The following LRMDA variants were observed in gnomAD, a reference collection of about 807,000 sequenced individuals.
LRMDA encodes leucine rich melanocyte differentiation associated, also known as leucine-rich melanocyte differentiation-associated protein.
LRMDA carries 18 observed loss-of-function variants against 29.8 expected under a neutral mutation model. The ratio of observed to expected loss-of-function variants is 0.60; its 90% CI spans 0.42 to 0.90. The LOEUF (loss-of-function observed/expected upper bound fraction) is 0.90, where lower values mean the gene tolerates loss of function less well. Among genes scored for constraint, LRMDA ranks in the 40% least tolerant of loss-of-function variants. The probability of loss-of-function intolerance (pLI) is 0.00; values close to 1 mark genes in which losing one functional copy is unlikely to be tolerated. For missense variants in LRMDA, 273 were observed against 273.9 expected (o/e 1.00, Z 0.02); for synonymous variants, 125 against 109.4 (o/e 1.14, Z -0.89).
At chr10:76,420,191 A>C (rs1842058238) in intron 6 of LRMDA, among the ~76,000 whole-genome samples, 1 of 151,598 alleles carries the variant, frequency 6.6e-6, no homozygotes, top group Non-Finnish European at 1.5e-5. Flanking sequence ...CTAGGCCTGG[A>C]GTTTTCTTTG....
intron 2 of LRMDA, among the ~76,000 whole-genome samples, chr10:75,453,599 G>A (rs1208856736): frequency 6.6e-6 from 1 of 152,060 alleles, no homozygotes; most frequent in Non-Finnish European, 1.5e-5. Flanking sequence ...TGAGTTTTGA[G>A]GTGCTTTGTT....
At chr10:76,508,318 C>A (rs922240522) in intron 6 of LRMDA, among the ~76,000 whole-genome samples, 4 of 152,114 alleles carry the variant, frequency 2.6e-5, no homozygotes, top group Non-Finnish European at 4.4e-5. Context: ...AAGTTTAGCA[C>A]CTGTTGGTAC....
At chr10:76,412,760 A>G (rs1473195755) in intron 6 of LRMDA, among the ~76,000 whole-genome samples, 1 of 152,130 alleles carries the variant, frequency 6.6e-6, no homozygotes, top group Non-Finnish European at 1.5e-5. Flanking sequence ...ACATCCTCCC[A>G]TCATCTCAGC....
chr10:75,662,633 G>T (rs961697073), intron 2 of LRMDA, among the ~76,000 whole-genome samples: 1 of 152,150 alleles, frequency 6.6e-6, no homozygotes, highest in Non-Finnish European at 1.5e-5. Flanking sequence ...TTAAAAAAGC[G>T]CAATTACCCT....
chr10:75,627,742 G>C (rs77827499), intron 2 of LRMDA, among the ~76,000 whole-genome samples: 2,993 of 152,278 alleles, frequency 0.02, 88 homozygotes, highest in African/African-American at 0.068. Flanking sequence ...GAAGCCCCAG[G>C]CACCTGCTAT....
Position 75,462,481 on chromosome 10 carries a change from G to A in LRMDA, c.131+23987G>A, listed in dbSNP as rs548017927. Among the ~76,000 whole-genome samples, 13 of 152,254 alleles carry A rather than the reference G, an allele frequency of 8.5e-5. No individual in the cohort carries two copies. In the South Asian group the frequency reaches 1.5e-3, roughly 17 times the overall value. On this transcript the variant is annotated intron_variant, in intron 2 of 6. Coordinates refer to ENST00000611255, the MANE Select transcript of LRMDA (RefSeq NM_001305581.2). ...TTCTTGGCTGTCATTGTCTTAGTGC[G>A]TGCTCATTCTGTGAGATACTGTATA...
At chr10:75,468,331 A>G (rs1331003348) in intron 2 of LRMDA, among the ~76,000 whole-genome samples, 1 of 152,094 alleles carries the variant, frequency 6.6e-6, no homozygotes, top group Non-Finnish European at 1.5e-5. Flanking sequence ...AAAGGATGTA[A>G]AAAGAAGGAC....
chr10:76,348,547 A>T (rs1841136939), intron 6 of LRMDA, among the ~76,000 whole-genome samples: 1 of 152,200 alleles, frequency 6.6e-6, no homozygotes, highest in Admixed American at 6.5e-5. Flanking sequence ...ATTGCATTAA[A>T]TGATATTGAC....
chr10:76,117,370 CTCT>C (rs1849684295), intron 5 of LRMDA, among the ~76,000 whole-genome samples: 1 of 152,150 alleles, frequency 6.6e-6, no homozygotes, highest in South Asian at 2.1e-4. Context: ...CTTTAAATAG[CTCT>C]TCTTGTTGTG....
intron 5 of LRMDA, among the ~76,000 whole-genome samples, chr10:76,126,124 C>A (rs1464058796): frequency 6.6e-6 from 1 of 152,162 alleles, no homozygotes; most frequent in African/African-American, 2.4e-5. Flanking sequence ...CTAACACATT[C>A]CCGGACTGCC....
At chr10:75,463,592 A>AGT (rs1452269348) in intron 2 of LRMDA, among the ~76,000 whole-genome samples, 1 of 151,404 alleles carries the variant, frequency 6.6e-6, no homozygotes, top group Non-Finnish European at 1.5e-5. Context: ...GGTTCAAGGG[A>AGT]GTCTCCTGCT....
At chr10:75,928,606 G>A (rs773291523) in intron 2 of LRMDA, among the ~76,000 whole-genome samples, 1 of 152,192 alleles carries the variant, frequency 6.6e-6, no homozygotes, top group Non-Finnish European at 1.5e-5. Context: ...GGTAGTTACT[G>A]TTTAGTAAAA....
chr10:76,046,690 G>C (rs1848444076), intron 3 of LRMDA, among the ~76,000 whole-genome samples: 1 of 152,038 alleles, frequency 6.6e-6, no homozygotes, highest in Non-Finnish European at 1.5e-5. Context: ...CACCATGTTG[G>C]CCAGGCTGGT....
intron 5 of LRMDA, among the ~76,000 whole-genome samples, chr10:76,182,634 G>T (rs2132210299): frequency 6.6e-6 from 1 of 152,250 alleles, no homozygotes; most frequent in South Asian, 2.1e-4. Context: ...ATAGTGTTAA[G>T]TTAGCACACT....
intron 2 of LRMDA, among the ~76,000 whole-genome samples, chr10:75,882,072 G>C (rs1402895800): frequency 3.3e-5 from 5 of 152,176 alleles, no homozygotes; most frequent in Admixed American, 1.3e-4. Flanking sequence ...GAGCATCACA[G>C]GCAGAGGGCA....
chr10:75,800,598 T>G (rs1843731402), intron 2 of LRMDA, among the ~76,000 whole-genome samples: 1 of 152,192 alleles, frequency 6.6e-6, no homozygotes, highest in Non-Finnish European at 1.5e-5. Context: ...CAGAATTTTG[T>G]TTGATGCTTT....
At chr10:75,839,786 G>A (rs1844504649) in intron 2 of LRMDA, among the ~76,000 whole-genome samples, 1 of 138,326 alleles carries the variant, frequency 7.2e-6, no homozygotes, top group African/African-American at 2.8e-5. Flanking sequence ...TGGGCTCACT[G>A]CAAGCTCTTC....
At chr10:75,589,564 G>A (rs1840695699) in intron 2 of LRMDA, among the ~76,000 whole-genome samples, 1 of 151,948 alleles carries the variant, frequency 6.6e-6, no homozygotes, top group Non-Finnish European at 1.5e-5. Flanking sequence ...ACTATCCTGG[G>A]CAACATGGTG....
At chr10:75,690,041 T>C (rs943559297) in intron 2 of LRMDA, among the ~76,000 whole-genome samples, 8 of 152,210 alleles carry the variant, frequency 5.3e-5, no homozygotes, top group African/African-American at 1.7e-4. Context: ...ACTGGATCAG[T>C]GGTGTCCTGT....
Sources: gnomAD v4.1 joint callset for allele counts (sites outside exome capture counted in the v4.1 genomes callset) on GRCh38, gnomAD v4.1.1 for gene constraint, MANE v1.5 for transcripts, NCBI Gene and HGNC (gene_info 2026-07-23, HGNC 2026-07-21) for gene names.